Variants in PTPN21 observed in about 807,000 individuals in gnomAD.
PTPN21 encodes the protein tyrosine-protein phosphatase non-receptor type 21.
In PTPN21, 77 loss-of-function variants were observed where a neutral mutation model predicts 131.8. The observed-to-expected ratio is 0.58, with a 90% confidence interval of 0.49 to 0.71. The LOEUF (loss-of-function observed/expected upper bound fraction) is 0.71. PTPN21 is among the 30% of genes least tolerant of loss of function. PTPN21 has a pLI of 0.00. For synonymous variants in PTPN21, 715 were observed against 621.3 expected, an observed-to-expected ratio of 1.15 and a Z score of -2.24; for missense variants, 1,552 against 1,527.1, an observed-to-expected ratio of 1.02 and a Z score of -0.27.
intron 2 of PTPN21, among the ~76,000 whole-genome samples, chr14:88,540,022 C>A (rs1176556739): frequency 6.6e-6 from 1 of 152,058 alleles, no homozygotes; most frequent in East Asian, 1.9e-4. Context: ...ATATTTCATA[C>A]CAAACTTGCA....
At chr14:88,518,290 A>G (rs1307413607) in intron 2 of PTPN21, among the ~76,000 whole-genome samples, 1,302 of 104,802 alleles carry the variant, frequency 0.012, 24 homozygotes, top group Non-Finnish European at 0.021. Context: ...ACACATACGC[A>G]CACACACACA....
At position 88,480,134 on chromosome 14, in the gene PTPN21, G is replaced by C; in HGVS notation, c.1297C>G (p.Pro433Ala). 1.2e-6 allele frequency: 2 copies of C among 1,614,194 alleles called. No individual in the cohort carries two copies. The highest frequency in any genetic ancestry group is 1.7e-6 in the Non-Finnish European group (2 of 1,180,026). Residue 433 changes from proline to alanine, a missense_variant, in exon 13 of 19, where the codon CCG (proline) becomes GCG (alanine). Pro to Ala is a conservative substitution (Grantham distance 27). Coordinates refer to ENST00000556564, the MANE Select transcript of PTPN21 (RefSeq NM_007039.4). ...ATCACGGCGCTGTGCCGATGGGACG[G>C]GAGGTAGTCAGGCCTCATGACGTCA... ...GSDVMRPDYLPSHRHSAVIPP... is the reference protein window; with the variant it reads ...GSDVMRPDYLASHRHSAVIPP...
intron 3 of PTPN21, among the ~76,000 whole-genome samples, chr14:88,511,582 T>C (rs2078184247): frequency 6.6e-6 from 1 of 152,068 alleles, no homozygotes; most frequent in Non-Finnish European, 1.5e-5. Flanking sequence ...TGAGGCAGAA[T>C]TGCTTGAACC....
intron 2 of PTPN21, among the ~76,000 whole-genome samples, chr14:88,545,728 C>T (rs1281136184): frequency 3.3e-5 from 5 of 152,000 alleles, no homozygotes; most frequent in Admixed American, 1.3e-4. Flanking sequence ...TTTGGGAGAC[C>T]GAGGCAGACG....
chr14:88,523,130 A>G (rs970307277), intron 2 of PTPN21, among the ~76,000 whole-genome samples: 4 of 152,174 alleles, frequency 2.6e-5, no homozygotes, highest in African/African-American at 9.7e-5. Context: ...CCAAAGCCAG[A>G]CAAAAGATAA....
chr14:88,517,181 C>T lies in PTPN21; in HGVS notation c.261G>A (p.Gln87=), dbSNP rs751173339. 2.5e-6 allele frequency: 4 copies of T among 1,614,142 alleles called. No homozygotes were observed. Among genetic ancestry groups the T allele is most frequent in the Admixed American group, 3.3e-5 (2 of 60,018 alleles). ...TAGGTTCCAATGCATATTTATCCAG[C>T]TGCTTCTTCAAAGGTTTTTCCAAAT... is the stretch of plus-strand genomic sequence containing the variant. The part of the protein sequence containing the change: ...WVDLEKPLKK[Q]LDKYALEPTV... The change falls in exon 3 of 19, where the codon CAG becomes CAA. Residue 87 remains glutamine (Q), a synonymous_variant. Transcript: ENST00000556564.
chr14:88,466,200 G>T lies in PTPN21; in HGVS notation c.*1937C>A, dbSNP rs1206443047. 2.6e-5 allele frequency: 4 copies of T among 151,870 alleles called. No individual in the cohort carries two copies. The highest frequency in any genetic ancestry group is 9.7e-5 in the African/African-American group (4 of 41,314). The allele number at this position is 151,870 out of a possible 1,614,324, so 9.4% of individuals were successfully genotyped here. The stretch of plus-strand genomic sequence containing the variant: ...CTTAGTTCTACTGTTCTTTAAACAG[G>T]ACTTTAAAAAGAATTTTGTATTTAC... On this transcript the variant is annotated 3_prime_UTR_variant, in exon 19 of 19. Coordinates refer to ENST00000556564, the MANE Select transcript of PTPN21 (RefSeq NM_007039.4).
intron 2 of PTPN21, among the ~76,000 whole-genome samples, chr14:88,532,549 T>C (rs2078569679): frequency 6.6e-6 from 1 of 152,208 alleles, no homozygotes; most frequent in Admixed American, 6.5e-5. Context: ...AAAATACATA[T>C]TAAAGTCAAT....
intron 2 of PTPN21, among the ~76,000 whole-genome samples, chr14:88,539,419 T>G (rs981732447): frequency 2.0e-5 from 3 of 152,070 alleles, no homozygotes; most frequent in African/African-American, 7.2e-5. Context: ...CCAGCAATAT[T>G]GTATTTTTAG....
intron 1 of PTPN21, among the ~76,000 whole-genome samples, 159 bp from the exon 2 acceptor site, chr14:88,550,778 G>C (rs929950560): frequency 1.3e-5 from 2 of 152,156 alleles, no homozygotes; most frequent in Non-Finnish European, 2.9e-5. Flanking sequence ...TTTTATCTCA[G>C]AGTTGTGCTA....
intron 14 of PTPN21, among the ~76,000 whole-genome samples, chr14:88,473,241 C>T (rs575032102): frequency 6.6e-6 from 1 of 152,148 alleles, no homozygotes; most frequent in East Asian, 1.9e-4. Context: ...GTAATAAAAC[C>T]TCATAGAAAA....
rs564333335 is a variant in PTPN21, at chr14:88,482,595, A to G, written c.1079-2243T>C. ...GCCATTGCACTCTAGCCTGGACAAC[A>G]AAAGCGAAACTCCATCTCAAAAGAA... On this transcript the variant is annotated intron_variant, in intron 12 of 18. Coordinates refer to ENST00000556564, the MANE Select transcript of PTPN21 (RefSeq NM_007039.4). Among the ~76,000 whole-genome samples, 22 of 151,990 alleles carry G rather than the reference A, an allele frequency of 1.4e-4. 1 individual carries two copies. The East Asian group carries it at 1.6e-3, about 11-fold the overall frequency.
chr14:88,471,166 A>C (rs537567252), intron 15 of PTPN21, among the ~76,000 whole-genome samples: 25 of 152,344 alleles, frequency 1.6e-4, no homozygotes, highest in Non-Finnish European at 2.9e-4. Context: ...TGGCATTCAC[A>C]GGCAGACTGC....
At chr14:88,533,305 T>C (rs893584955) in intron 2 of PTPN21, among the ~76,000 whole-genome samples, 1 of 152,198 alleles carries the variant, frequency 6.6e-6, no homozygotes, top group Non-Finnish European at 1.5e-5. Flanking sequence ...AACAATGTTT[T>C]AGTCAACGAC....
chr14:88,525,168 C>G (rs2078456169), intron 2 of PTPN21, among the ~76,000 whole-genome samples: 1 of 151,806 alleles, frequency 6.6e-6, no homozygotes, highest in African/African-American at 2.4e-5. Context: ...TTAACCCCAA[C>G]AGATCAAGGC....
chr14:88,542,838 T>C (rs1004099280), intron 2 of PTPN21, among the ~76,000 whole-genome samples: 1 of 152,214 alleles, frequency 6.6e-6, no homozygotes, highest in African/African-American at 2.4e-5. Context: ...CCTAACATTA[T>C]ATTTGCTTCA....
chr14:88,492,936 C>T lies in PTPN21; in HGVS notation c.932+3477G>A, dbSNP rs111793937. 735 of 365,592 alleles carry T rather than the reference C, an allele frequency of 2.0e-3. 7 individuals are homozygous for T. The highest frequency in any genetic ancestry group is 0.014 in the African/African-American group (638 of 47,148). The allele number at this position is 365,592 out of a possible 1,614,324, so 22.6% of individuals were successfully genotyped here. On this transcript the variant is annotated intron_variant, in intron 10 of 18. Coordinates refer to ENST00000556564, the MANE Select transcript of PTPN21 (RefSeq NM_007039.4). ...CCTGCCCTCATGGAGCTTCATCAAA[C>T]AAGAGAGACAGATCAAATGAAAATG... is the stretch of plus-strand genomic sequence containing the variant.
intron 13 of PTPN21, among the ~76,000 whole-genome samples, chr14:88,474,804 T>C (rs192162385): frequency 2.0e-5 from 3 of 152,272 alleles, no homozygotes; most frequent in East Asian, 3.9e-4. Flanking sequence ...TCTCTGAGAA[T>C]AGTAAGCATA....
rs2140104590 is a variant in PTPN21 at position 88,483,258 on chromosome 14, C to T, written c.1078+1818G>A. Among the ~76,000 whole-genome samples, 2 of 150,268 alleles carry T rather than the reference C, an allele frequency of 1.3e-5. 1 individual carries two copies. The highest frequency in any genetic ancestry group is 7.1e-3 in the Middle Eastern group (2 of 282). On this transcript the variant is annotated intron_variant, in intron 12 of 18. Transcript: ENST00000556564. Reference sequence around the variant, plus strand: ...CAGTGAGAAAAGAAAGCAGATCACTCAAACCATTACTTAAAGGGAGGAGAA... The same window carrying T: ...CAGTGAGAAAAGAAAGCAGATCACTTAAACCATTACTTAAAGGGAGGAGAA...
Sources: allele counts gnomAD v4.1 joint callset (sites outside exome capture counted in the v4.1 genomes callset), GRCh38; gene constraint gnomAD v4.1.1; transcripts MANE v1.5; gene names NCBI Gene and HGNC (gene_info 2026-07-23, HGNC 2026-07-21).